Variants in AAAS observed in about 807,000 individuals in gnomAD.
AAAS encodes aladin.
In AAAS, 60 loss-of-function variants were observed where a neutral mutation model predicts 75.6. That is an observed-to-expected ratio of 0.79 (90% CI 0.64 to 0.98). The LOEUF (loss-of-function observed/expected upper bound fraction) is 0.98, where lower values mean the gene tolerates loss of function less well. AAAS is among the 50% of genes least tolerant of loss of function. The pLI, the probability that AAAS is intolerant of heterozygous loss-of-function variation, is 0.00. For synonymous variants in AAAS, 271 were observed against 265.0 expected, an observed-to-expected ratio of 1.02 and a Z score of -0.22; for missense variants, 658 against 686.9, an observed-to-expected ratio of 0.96 and a Z score of 0.47.
At chr12:53,317,397 A>C (rs905373934) in intron 2 of AAAS, among the ~76,000 whole-genome samples, 8 of 151,794 alleles carry the variant, frequency 5.3e-5, no homozygotes, top group Non-Finnish European at 8.8e-5. Context: ...CTCTACTAAA[A>C]ATACAAAAAA....
intron 2 of AAAS, among the ~76,000 whole-genome samples, chr12:53,316,784 AAG>A (rs1944469462): frequency 2.0e-5 from 3 of 150,648 alleles, no homozygotes; most frequent in African/African-American, 4.9e-5. Flanking sequence ...AAAAAAAAAA[AAG>A]AAGAGAAAAA....
At chr12:53,315,046 G>C in intron 5 of AAAS, 48 bp downstream of exon 5, 1 of 1,606,636 alleles carries the variant, frequency 6.2e-7, no homozygotes, top group Non-Finnish European at 8.5e-7. Context: ...AGGGAGTTTT[G>C]AGGTTCAGGA....
intron 7 of AAAS, among the ~76,000 whole-genome samples, chr12:53,310,832 T>G (rs1315190267): frequency 1.3e-5 from 2 of 152,276 alleles, no homozygotes; most frequent in Non-Finnish European, 2.9e-5. Context: ...GGGTTCAGAT[T>G]CATCTCATTC....
At chr12:53,312,788 T>C (rs950013183) in intron 7 of AAAS, among the ~76,000 whole-genome samples, 2 of 148,552 alleles carry the variant, frequency 1.3e-5, no homozygotes, top group South Asian at 2.1e-4. Flanking sequence ...CATACACGTA[T>C]ATATATATAT....
rs1592513257 is a variant in AAAS, at chr12:53,309,231, T to G, written c.861A>C (p.Gly287=). 6.2e-7 allele frequency: 1 copy of G among 1,614,004 alleles called. No individual in the cohort carries two copies. Among genetic ancestry groups the G allele is most frequent in the Middle Eastern group, 1.7e-4 (1 of 6,060 alleles). ...ETCVPLPWFR[G]GGVTNLLWSP... is the part of the protein sequence containing the mutation. Reference sequence around the variant, plus strand: ...ACCAGAGCAGGTTGGTCACCCCACCTCCTCGGAACCAGGGAAGGGGGACAC... The same window carrying G: ...ACCAGAGCAGGTTGGTCACCCCACCGCCTCGGAACCAGGGAAGGGGGACAC... The change falls in exon 9 of 16, where the codon GGA becomes GGC. Residue 287 remains glycine (G), a synonymous_variant. Transcript: ENST00000209873.
chr12:53,308,158 G>A (rs1944322554), intron 13 of AAAS, 25 bp from the exon 14 acceptor site: 3 of 1,613,468 alleles, frequency 1.9e-6, no homozygotes, highest in Middle Eastern at 1.7e-4. Context: ...TCCAGGGATA[G>A]GGGAGGAACT....
At chr12:53,311,666 G>A (rs1944390201) in intron 7 of AAAS, among the ~76,000 whole-genome samples, 1 of 152,124 alleles carries the variant, frequency 6.6e-6, no homozygotes, top group South Asian at 2.1e-4. Context: ...TGTAATCTCA[G>A]CACTTCGGGA....
intron 7 of AAAS, among the ~76,000 whole-genome samples, chr12:53,312,829 C>CAT (rs1322472090): frequency 0.034 from 4,972 of 145,324 alleles, 331 homozygotes; most frequent in African/African-American, 0.12. Context: ...ATATATAAAA[C>CAT]ATATATGTGT....
chr12:53,312,122 A>C (rs1330715427), intron 7 of AAAS, among the ~76,000 whole-genome samples: 1 of 150,742 alleles, frequency 6.6e-6, no homozygotes, highest in Non-Finnish European at 1.5e-5. Context: ...AGTCAAGAGG[A>C]GAATCACTTG....
Position 53,309,698 on chromosome 12 carries a change from AC to A in AAAS, c.712del (p.Val238CysfsTer53), listed in dbSNP as rs1944356405. 3.1e-6 allele frequency: 5 copies of A among 1,613,242 alleles called. No homozygotes were observed. The highest frequency in any genetic ancestry group is 4.2e-6 in the Non-Finnish European group (5 of 1,179,834). Reference protein sequence around the residue: ...STRPSSGCAQVLSHPGHTPVT... With the variant: ...STRPSSGCAQXLSHPGHTPVT... ...AGGTGTATGCCCAGGGTGAGACAGC[AC>A]TTGGGCACAGCCAGAAGAGGGTCTG... On this transcript the variant is annotated frameshift_variant, in exon 8 of 16. Transcript: ENST00000209873. LOFTEE classifies it high-confidence loss of function.
chr12:53,318,241 T>TGTGTGTGC (rs903895069), intron 2 of AAAS, among the ~76,000 whole-genome samples: 4 of 131,468 alleles, frequency 3.0e-5, no homozygotes, highest in South Asian at 2.8e-4. Flanking sequence ...TGTGTGTGTG[T>TGTGTGTGC]GTGCGTGTGT....
At chr12:53,311,410 C>T (rs778417967) in intron 7 of AAAS, among the ~76,000 whole-genome samples, 13 of 152,244 alleles carry the variant, frequency 8.5e-5, no homozygotes, top group Middle Eastern at 3.4e-3. Context: ...TATAGGCGCA[C>T]GCCACCACAC....
At chr12:53,318,080 G>A (rs1279379761) in intron 2 of AAAS, among the ~76,000 whole-genome samples, 1 of 152,130 alleles carries the variant, frequency 6.6e-6, no homozygotes, top group Non-Finnish European at 1.5e-5. Flanking sequence ...CCAGGCTGGA[G>A]TGCAATATCA....
chr12:53,314,930 C>T (rs763525788), intron 5 of AAAS, 81 bp from the exon 6 acceptor site: 342 of 1,503,886 alleles, frequency 2.3e-4, no homozygotes, highest in Non-Finnish European at 3.1e-4. Flanking sequence ...CCAGTAAGGA[C>T]ATGGTTTTTT....
chr12:53,314,868 T>C lies in AAAS; in HGVS notation c.447-19A>G, dbSNP rs745621899. 14 of 1,607,786 alleles carry C rather than the reference T, an allele frequency of 8.7e-6. No homozygotes were observed. The highest frequency in any genetic ancestry group is 1.6e-4 in the Middle Eastern group (1 of 6,076). ...GCTGGACCTAAGGAAGGGGTTAACA[T>C]GAAGAGTTCCTGCACCTATCCCTAC... On this transcript the variant is annotated intron_variant, in intron 5 of 15. Transcript: ENST00000209873.
rs527842091 is a variant in AAAS, at chr12:53,314,953, T to A, written c.447-104A>T. On this transcript the variant is annotated intron_variant, in intron 5 of 15. Coordinates refer to ENST00000209873, the MANE Select transcript of AAAS (RefSeq NM_015665.6). ...GACATGGTTTTTTCCTACTTTTTCT[T>A]GTATTCTTTTTTGGGGGAACAGGAG... The A allele has an allele frequency of 4.3e-5, 64 of 1,489,288 alleles. 1 individual carries two copies. In the South Asian group the frequency reaches 7.1e-4, roughly 17 times the overall value. The allele number at this position is 1,489,288 out of a possible 1,614,324, so 92.3% of individuals were successfully genotyped here.
chr12:53,315,293 G>A, intron 4 of AAAS, 42 bp downstream of exon 4: 2 of 1,608,058 alleles, frequency 1.2e-6, no homozygotes, highest in Non-Finnish European at 1.7e-6. Context: ...GTAGGATGGG[G>A]ACACAGCAAA....
At chr12:53,319,793 ACTCCGTCTC>A (rs1944523029) in intron 2 of AAAS, among the ~76,000 whole-genome samples, 1 of 118,148 alleles carries the variant, frequency 8.5e-6, no homozygotes, top group African/African-American at 3.4e-5. Context: ...ACACAGCAAG[ACTCCGTCTC>A]AAAAAAAAAA....
At chr12:53,308,409 G>A (rs1944329928) in intron 12 of AAAS, 26 bp downstream of exon 12, 1 of 1,614,028 alleles carries the variant, frequency 6.2e-7, no homozygotes, top group African/African-American at 1.3e-5. Context: ...GCTTTTCACT[G>A]CCACTCCCTC....
Sources: allele counts gnomAD v4.1 joint callset (sites outside exome capture counted in the v4.1 genomes callset), GRCh38; gene constraint gnomAD v4.1.1; transcripts MANE v1.5; gene names NCBI Gene and HGNC (gene_info 2026-07-23, HGNC 2026-07-21).